The following KLHL13 variants were observed in gnomAD, a reference collection of about 807,000 sequenced individuals.
KLHL13 encodes the protein kelch like family member 13, also known as kelch-like protein 13.
A neutral mutation model predicts 37.1 loss-of-function variants in KLHL13; 10 were observed. The ratio of observed to expected loss-of-function variants is 0.27; its 90% CI spans 0.17 to 0.46. The LOEUF (loss-of-function observed/expected upper bound fraction) is 0.46. Among genes scored for constraint, KLHL13 ranks in the 20% least tolerant of loss-of-function variants. KLHL13 has a pLI of 1.00. For synonymous variants in KLHL13, 163 were observed against 181.2 expected, an observed-to-expected ratio of 0.90 and a Z score of 0.81; for missense variants, 360 against 509.3, an observed-to-expected ratio of 0.71 and a Z score of 2.82.
intron 2 of KLHL13, among the ~76,000 whole-genome samples, chrX:117,943,885 G>A (rs1933182227): frequency 9.1e-6 from 1 of 110,402 alleles, no homozygotes; most frequent in Non-Finnish European, 1.9e-5. Context: ...GAGGAGTTGT[G>A]ATCCTTTGGA....
chrX:117,994,426 TA>T (rs751036770), intron 1 of KLHL13, among the ~76,000 whole-genome samples: 5 of 110,760 alleles, frequency 4.5e-5, no homozygotes. Context: ...CTAATTTTTT[TA>T]TTTTTTTAGA....
chrX:117,961,377 T>C (rs1023990624), intron 1 of KLHL13, among the ~76,000 whole-genome samples: 2 of 112,169 alleles, frequency 1.8e-5, no homozygotes, highest in Non-Finnish European at 3.8e-5. Flanking sequence ...CTTGGGTTAA[T>C]TGGAACACTT....
At chrX:117,899,918 T>C (rs1343235236) in intron 6 of KLHL13, among the ~76,000 whole-genome samples, 2 of 112,502 alleles carry the variant, frequency 1.8e-5, no homozygotes, top group Admixed American at 9.4e-5. Flanking sequence ...TTTGAAAAAG[T>C]TGAAAGTCTT....
intron 2 of KLHL13, among the ~76,000 whole-genome samples, chrX:117,941,023 G>A (rs6645425): frequency 0.091 from 10,223 of 111,750 alleles, 435 homozygotes; most frequent in African/African-American, 0.16. Context: ...TCTTGTGCCA[G>A]TTTTCAAAGA....
Position 117,984,597 on chromosome X carries a change from TTTC to T in KLHL13, c.-55-39025_-55-39023del, listed in dbSNP as rs1302466666. Among the ~76,000 whole-genome samples, 3 of 111,552 alleles carry T rather than the reference TTTC, an allele frequency of 2.7e-5. No individual in the cohort carries two copies. The Admixed American group carries it at 2.9e-4, about 11-fold the overall frequency. ...TGAAAAAAGTAGGTGGAAAATATTT[TTTC>T]TTTTTTGGAATGATAAATTCAAAAC... On this transcript the variant is annotated intron_variant, in intron 1 of 6. Coordinates refer to the KLHL13 transcript ENST00000371882.
intron 1 of KLHL13, among the ~76,000 whole-genome samples, chrX:118,097,200 C>A (rs1233976797): frequency 9.0e-6 from 1 of 111,650 alleles, no homozygotes; most frequent in African/African-American, 3.3e-5. Context: ...AGCCCAAAAT[C>A]TCCTTAAGCT....
At chrX:117,957,450 C>T (rs1361338406) in intron 1 of KLHL13, among the ~76,000 whole-genome samples, 5 of 111,643 alleles carry the variant, frequency 4.5e-5, no homozygotes, top group African/African-American at 1.3e-4. Flanking sequence ...ACAGAACAAA[C>T]GAAAATCCAA....
At chrX:117,961,849 C>T (rs1218807096) in intron 1 of KLHL13, among the ~76,000 whole-genome samples, 1 of 110,426 alleles carries the variant, frequency 9.1e-6, no homozygotes, top group African/African-American at 3.3e-5. Context: ...AGAGCCTCAG[C>T]CTTGCTGACA....
chrX:118,053,426 T>C (rs1333806017), intron 1 of KLHL13, among the ~76,000 whole-genome samples: 2 of 110,130 alleles, frequency 1.8e-5, no homozygotes, highest in Admixed American at 1.9e-4. Context: ...CACTCATAGG[T>C]GGGAATTGAA....
intron 1 of KLHL13, among the ~76,000 whole-genome samples, chrX:118,052,167 T>C (rs1437178296): frequency 9.0e-6 from 1 of 111,088 alleles, no homozygotes; most frequent in Middle Eastern, 4.2e-3. Flanking sequence ...TAAAATCCTA[T>C]CTATACCATA....
chrX:118,006,611 C>G (rs1223799094), intron 1 of KLHL13, among the ~76,000 whole-genome samples: 1 of 111,951 alleles, frequency 8.9e-6, no homozygotes, highest in Non-Finnish European at 1.9e-5. Flanking sequence ...CAGCTCCTTT[C>G]AAAAAAATCA....
rs369933093 is a variant in KLHL13, at chrX:118,052,455, A to G, written c.-56+64053T>C. Among the ~76,000 whole-genome samples, 149 of 106,225 alleles carry G rather than the reference A, an allele frequency of 1.4e-3. 2 individuals are homozygous for G. Among genetic ancestry groups the G allele is most frequent in the African/African-American group, 5.0e-3 (144 of 29,016 alleles). The allele number at this position is 106,225 out of a possible 115,157, so 92.2% of individuals were successfully genotyped here. A position where few individuals can be genotyped will look rare whatever the true frequency, so the allele number is the denominator to read the frequency against. ...GGAGAATGGCATGAATCTGGGAGGCAGAGCTTGCAGTGAGCGGAGATGCGC... is the reference window on the plus strand; with the variant it reads ...GGAGAATGGCATGAATCTGGGAGGCGGAGCTTGCAGTGAGCGGAGATGCGC... On this transcript the variant is annotated intron_variant, in intron 1 of 6. Transcript: ENST00000371882.
upstream of KLHL13, among the ~76,000 whole-genome samples, chrX:117,977,386 C>G (rs1602619065): frequency 9.0e-6 from 1 of 111,394 alleles, no homozygotes. Context: ...TGCATATGTT[C>G]CTAAATAATT....
chrX:118,058,299 C>G (rs189683495), intron 1 of KLHL13, among the ~76,000 whole-genome samples: 3 of 110,973 alleles, frequency 2.7e-5, no homozygotes, highest in African/African-American at 9.8e-5. Flanking sequence ...CTACTCCCCC[C>G]CTCATTTTTA....
chrX:117,903,371 T>C (rs1930269982), intron 5 of KLHL13, among the ~76,000 whole-genome samples: 1 of 111,759 alleles, frequency 8.9e-6, no homozygotes. Context: ...TTTCAAAGGC[T>C]TTTACTATTC....
intron 1 of KLHL13, among the ~76,000 whole-genome samples, chrX:118,036,164 C>T (rs1898819885): frequency 9.8e-6 from 1 of 102,044 alleles, no homozygotes; most frequent in South Asian, 4.6e-4. Context: ...AATGGCCATA[C>T]TGCCCAAGGT....
At chrX:117,936,790 C>T (rs1226204336) in intron 2 of KLHL13, among the ~76,000 whole-genome samples, 1 of 111,424 alleles carries the variant, frequency 9.0e-6, no homozygotes, top group African/African-American at 3.3e-5. Flanking sequence ...CCTGTGAGAC[C>T]TTCTCCATTT....
intron 4 of KLHL13, among the ~76,000 whole-genome samples, chrX:117,916,354 A>G (rs1051903908): frequency 4.5e-5 from 5 of 112,238 alleles, no homozygotes; most frequent in African/African-American, 9.7e-5. Flanking sequence ...ACCATGCTTC[A>G]TATCTATCCT....
intron 1 of KLHL13, among the ~76,000 whole-genome samples, chrX:118,032,925 T>G (rs752088514): frequency 9.0e-6 from 1 of 111,211 alleles, no homozygotes; most frequent in East Asian, 2.8e-4. Context: ...AACCAAGGCT[T>G]GAGAACTACG....
Sources: allele counts gnomAD v4.1 joint callset (sites outside exome capture counted in the v4.1 genomes callset), GRCh38; gene constraint gnomAD v4.1.1; transcripts MANE v1.5; gene names NCBI Gene and HGNC (gene_info 2026-07-23, HGNC 2026-07-21).